The following CLSTN1 variants were observed in gnomAD, a reference collection of about 807,000 sequenced individuals.
CLSTN1 encodes calsyntenin-1.
In CLSTN1, 28 loss-of-function variants were observed where a neutral mutation model predicts 108.3. That is an observed-to-expected ratio of 0.26 (90% confidence interval 0.19 to 0.35). CLSTN1 has a LOEUF of 0.35. Ranked by LOEUF, CLSTN1 falls within the 10% of genes least tolerant of loss-of-function variation. The pLI is 1.00. For synonymous variants in CLSTN1, 524 were observed against 534.9 expected (o/e 0.98, Z 0.28); for missense variants, 1,157 against 1,302.6 (o/e 0.89, Z 1.72).
In CLSTN1 at chr1:9,808,031, C is replaced by T. The variant is rs183746702; in HGVS notation, c.91+15612G>A. On this transcript the variant is annotated intron_variant, in intron 1 of 18. Coordinates refer to ENST00000377298, the MANE Select transcript of CLSTN1 (RefSeq NM_001009566.3). ...GCTGCCACTCCAATGCCTCCCACCACTCCACCTTAACCAGCGCCTCACCGC... is the reference window on the plus strand; with the variant it reads ...GCTGCCACTCCAATGCCTCCCACCATTCCACCTTAACCAGCGCCTCACCGC... Among the ~76,000 whole-genome samples the T allele has an allele frequency of 2.0e-3, 306 of 152,336 alleles. 1 individual carries two copies. The highest frequency in any genetic ancestry group is 2.7e-3 in the South Asian group (13 of 4,824).
At chr1:9,732,454 A>G (rs1650458184) in intron 16 of CLSTN1, among the ~76,000 whole-genome samples, 1 of 152,230 alleles carries the variant, frequency 6.6e-6, no homozygotes, top group Non-Finnish European at 1.5e-5. Context: ...GTCGTTTGGG[A>G]AGCACTGGCG....
At chr1:9,783,452 G>A (rs1306900162) in intron 1 of CLSTN1, among the ~76,000 whole-genome samples, 1 of 152,184 alleles carries the variant, frequency 6.6e-6, no homozygotes, top group African/African-American at 2.4e-5. Context: ...GGACACAGTG[G>A]CTCACGCCTG....
rs139508930 is a variant in CLSTN1, at chr1:9,800,957, A to G, written c.91+22686T>C. ...CAGTCTCAAAAATAAATAAATAAAT[A>G]AATAAGAGGCTGGGTGCGGTGGCTC... is the stretch of plus-strand genomic sequence containing the variant. On this transcript the variant is annotated intron_variant, in intron 1 of 18. Transcript: ENST00000377298. Among the ~76,000 whole-genome samples, 211 of 151,360 alleles carry G rather than the reference A, an allele frequency of 1.4e-3. 1 individual carries two copies. The highest frequency in any genetic ancestry group is 2.4e-3 in the Non-Finnish European group (161 of 67,836).
chr1:9,741,520 G>A (rs890906726), intron 9 of CLSTN1, among the ~76,000 whole-genome samples: 1 of 152,216 alleles, frequency 6.6e-6, no homozygotes, highest in African/African-American at 2.4e-5. Context: ...TGCCAACAGT[G>A]TGGCACCAGG....
At chr1:9,757,196 C>T (rs1651855592) in intron 2 of CLSTN1, among the ~76,000 whole-genome samples, 1 of 151,664 alleles carries the variant, frequency 6.6e-6, no homozygotes, top group Non-Finnish European at 1.5e-5. Context: ...ATTCTGGTAA[C>T]ATTCAACTCA....
At chr1:9,782,551 A>G (rs1653294934) in intron 1 of CLSTN1, among the ~76,000 whole-genome samples, 3 of 152,216 alleles carry the variant, frequency 2.0e-5, no homozygotes, top group South Asian at 4.1e-4. Context: ...CACACCTATC[A>G]TTTCAGGATA....
At chr1:9,770,659 T>TA (rs1429484468) in intron 2 of CLSTN1, among the ~76,000 whole-genome samples, 1 of 152,194 alleles carries the variant, frequency 6.6e-6, no homozygotes, top group Admixed American at 6.6e-5. Context: ...GTACAGTACT[T>TA]AGAGTAGTGC....
chr1:9,777,069 A>C (rs1332471448), intron 1 of CLSTN1, among the ~76,000 whole-genome samples: 1 of 151,566 alleles, frequency 6.6e-6, no homozygotes, highest in Non-Finnish European at 1.5e-5. Flanking sequence ...AAAATACAAA[A>C]ATTAGCCGGG....
intron 9 of CLSTN1, among the ~76,000 whole-genome samples, chr1:9,741,606 G>A (rs1045388975): frequency 2.0e-5 from 3 of 152,090 alleles, no homozygotes; most frequent in Admixed American, 6.6e-5. Context: ...TTCCTTTTCT[G>A]AATAAAAATA....
chr1:9,797,684 A>C lies in CLSTN1; in HGVS notation c.92-24290T>G, dbSNP rs144949298. 5.3e-3 allele frequency among the ~76,000 whole-genome samples: 808 copies of C among 152,234 alleles called. 4 individuals carry two copies. The highest frequency in any genetic ancestry group is 8.3e-3 in the Non-Finnish European group (566 of 68,006). ...GCTGGCTGGTGGAGATTTTGGAAAC[A>C]AAGTGACATGAAAAACAGCTGAAGG... On this transcript the variant is annotated intron_variant, in intron 1 of 18. Transcript: ENST00000377298.
chr1:9,759,081 T>C (rs1651948354), intron 2 of CLSTN1, among the ~76,000 whole-genome samples: 1 of 152,078 alleles, frequency 6.6e-6, no homozygotes, highest in Non-Finnish European at 1.5e-5. Context: ...AAGAAGACAA[T>C]GGACGCAGAG....
intron 1 of CLSTN1, among the ~76,000 whole-genome samples, chr1:9,800,309 A>C (rs1654202119): frequency 6.6e-6 from 1 of 152,018 alleles, no homozygotes; most frequent in South Asian, 2.1e-4. Flanking sequence ...TGAAAAGATC[A>C]ATAAAACTGA....
At position 9,735,539 on chromosome 1, in the gene CLSTN1, T is replaced by C. The variant is rs1557690465; in HGVS notation, c.1811A>G (p.His604Arg). 6.2e-7 allele frequency: 1 copy of C among 1,614,170 alleles called. No homozygotes were observed. The highest frequency in any genetic ancestry group is 8.5e-7 in the Non-Finnish European group (1 of 1,180,038). Residue 604 changes from histidine (H) to arginine (R), a missense_variant, in exon 13 of 19, where the codon CAC becomes CGC. Coordinates refer to ENST00000377298, the MANE Select transcript of CLSTN1 (RefSeq NM_001009566.3). ...CTGCCGGGAGTTCAGGTACGAGATG[T>C]GCTGCATGGCCTTATCCAATTCCCC... ...DLGELDKAMQ[H>R]ISYLNSRQFP...
chr1:9,810,957 C>A (rs72855735), intron 1 of CLSTN1, among the ~76,000 whole-genome samples: 2 of 151,882 alleles, frequency 1.3e-5, no homozygotes, highest in Non-Finnish European at 2.9e-5. Flanking sequence ...TTATATGCAA[C>A]AAGAAAAATG....
Position 9,730,398 on chromosome 1 carries a change from T to G in CLSTN1, c.*110A>C. ...GCGACGATCGTGGCGGGGAGGGGTCTGCACACCTACTGGCCGAAATGACTT... is the reference window on the plus strand; with the variant it reads ...GCGACGATCGTGGCGGGGAGGGGTCGGCACACCTACTGGCCGAAATGACTT... On this transcript the variant is annotated 3_prime_UTR_variant, in exon 19 of 19. Coordinates refer to ENST00000377298, the MANE Select transcript of CLSTN1 (RefSeq NM_001009566.3). This position sits in a 1 kb window ranked among gnomAD's most constrained non-coding sequence, Gnocchi z 5.6. 2.0e-6 allele frequency: 2 copies of G among 1,014,418 alleles called. No individual in the cohort carries two copies. The highest frequency in any genetic ancestry group is 1.5e-6 in the Non-Finnish European group (1 of 664,658). The allele number at this position is 1,014,418 out of a possible 1,614,324, so 62.8% of individuals were successfully genotyped here.
Position 9,730,358 on chromosome 1 carries a change from T to C in CLSTN1, c.*150A>G. ...AGGGTGGGCGGGGAGCCTAGGGTCC[T>C]ACACACCAAGCACAGCGACGATCGT... On this transcript the variant is annotated 3_prime_UTR_variant, in exon 19 of 19. Coordinates refer to ENST00000377298, the MANE Select transcript of CLSTN1 (RefSeq NM_001009566.3). The surrounding 1 kb of genome is among the most constrained non-coding windows in gnomAD (Gnocchi z 5.6). 1 of 758,918 alleles carries C rather than the reference T, an allele frequency of 1.3e-6. No homozygotes were observed. Among genetic ancestry groups the C allele is most frequent in the South Asian group, 1.5e-5 (1 of 65,174 alleles). 47.0% of individuals were successfully genotyped at this position (758,918 alleles called of 1,614,324 possible). A position where few individuals can be genotyped will look rare whatever the true frequency, so the allele number is the denominator to read the frequency against.
intron 2 of CLSTN1, among the ~76,000 whole-genome samples, chr1:9,759,714 G>C (rs76639688): frequency 6.6e-6 from 1 of 152,150 alleles, no homozygotes. Context: ...AGATCCGAGG[G>C]GCCCCAAAGC....
chr1:9,779,465 G>A (rs1405973017), intron 1 of CLSTN1, among the ~76,000 whole-genome samples: 5 of 152,118 alleles, frequency 3.3e-5, no homozygotes, highest in African/African-American at 1.2e-4. Flanking sequence ...GCTGAGGCAG[G>A]AGAATCGCTT....
At chr1:9,746,835 C>A (rs1479175548) in intron 7 of CLSTN1, among the ~76,000 whole-genome samples, 1 of 152,100 alleles carries the variant, frequency 6.6e-6, no homozygotes, top group Non-Finnish European at 1.5e-5. Context: ...GGTCAATACC[C>A]ACCTACTTCG....
Sources: gnomAD v4.1 joint callset for allele counts (sites outside exome capture counted in the v4.1 genomes callset) on GRCh38, gnomAD v4.1.1 for gene constraint, Gnocchi (gnomAD v3.1) non-coding constraint, MANE v1.5 for transcripts, NCBI Gene and HGNC (gene_info 2026-07-23, HGNC 2026-07-21) for gene names.